Variants in ARHGEF3 observed in about 807,000 individuals in gnomAD.
The protein encoded by ARHGEF3 is 59.8 kDA protein.
A neutral mutation model predicts 63.2 loss-of-function variants in ARHGEF3; 28 were observed. The ratio of observed to expected loss-of-function variants is 0.44; its 90% CI spans 0.33 to 0.61. The LOEUF (loss-of-function observed/expected upper bound fraction) is 0.61. ARHGEF3 is among the 20% of genes least tolerant of loss of function. The probability of loss-of-function intolerance (pLI) is 0.03; values close to 1 mark genes in which losing one functional copy is unlikely to be tolerated. For missense variants in ARHGEF3, 533 were observed against 659.3 expected, an observed-to-expected ratio of 0.81 and a Z score of 2.10; for synonymous variants, 266 against 254.2, an observed-to-expected ratio of 1.05 and a Z score of -0.44.
At chr3:57,043,092 A>G (rs942653785) in intron 1 of ARHGEF3, among the ~76,000 whole-genome samples, 1 of 151,902 alleles carries the variant, frequency 6.6e-6, no homozygotes, top group Non-Finnish European at 1.5e-5. Flanking sequence ...GGAAGCTAAG[A>G]CAGGCTTCAG....
chr3:57,042,686 A>T (rs548611958), intron 1 of ARHGEF3, among the ~76,000 whole-genome samples: 182 of 7,644 alleles, frequency 0.024, 10 homozygotes, highest in East Asian at 0.17. Flanking sequence ...ATATATATAT[A>T]TATATATATA....
intron 4 of ARHGEF3, among the ~76,000 whole-genome samples, chr3:56,851,040 C>T (rs1246251718): frequency 1.3e-5 from 2 of 152,088 alleles, no homozygotes; most frequent in Admixed American, 6.5e-5. Context: ...CACCGGTTTA[C>T]CACCTTGTTT....
At chr3:57,071,232 A>G (rs78498993) in intron 1 of ARHGEF3, among the ~76,000 whole-genome samples, 3 of 152,140 alleles carry the variant, frequency 2.0e-5, no homozygotes, top group Non-Finnish European at 4.4e-5. Flanking sequence ...TTTTCAACAC[A>G]TGGTTCTGGG....
rs55899473 is a variant in ARHGEF3 at position 56,792,113 on chromosome 3, A to AAAAAAAAAAGAAAAG, written c.96+9589_96+9590insCTTTTCTTTTTTTTT. 3.1e-3 allele frequency among the ~76,000 whole-genome samples: 431 copies of AAAAAAAAAAGAAAAG among 139,978 alleles called. 1 individual carries two copies. Among genetic ancestry groups the AAAAAAAAAAGAAAAG allele is most frequent in the Middle Eastern group, 7.2e-3 (2 of 276 alleles). The allele number at this position is 139,978 out of a possible 152,430, so 91.8% of individuals were successfully genotyped here. ...AGTGAGACTCTGTCTCAAAAAAAAA[A>AAAAAAAAAAGAAAAG]AAAAGAAAAGAAAAGAAAAGAAAAG... On this transcript the variant is annotated intron_variant, in intron 1 of 9. Transcript: ENST00000296315.
intron 1 of ARHGEF3, among the ~76,000 whole-genome samples, chr3:57,077,439 C>T (rs547376642): frequency 2.6e-5 from 4 of 152,082 alleles, no homozygotes; most frequent in Non-Finnish European, 4.4e-5. Flanking sequence ...TCAAGTGCCT[C>T]GTGTAGATTT....
At chr3:57,042,696 A>ATTTTTTTTTTTT (rs1560156436) in intron 1 of ARHGEF3, among the ~76,000 whole-genome samples, 2 of 33,540 alleles carry the variant, frequency 6.0e-5, no homozygotes, top group Non-Finnish European at 1.3e-4. Context: ...ATATATATAT[A>ATTTTTTTTTTTT]TATATTTTTT....
chr3:56,816,825 A>G (rs2038290854), intron 4 of ARHGEF3, among the ~76,000 whole-genome samples: 1 of 152,214 alleles, frequency 6.6e-6, no homozygotes, highest in Non-Finnish European at 1.5e-5. Flanking sequence ...CGGAACGTTA[A>G]TTCACAGGCC....
intron 2 of ARHGEF3, among the ~76,000 whole-genome samples, chr3:57,001,240 C>T (rs1413254207): frequency 6.6e-6 from 1 of 152,206 alleles, no homozygotes; most frequent in Non-Finnish European, 1.5e-5. Context: ...GTGCCAGGTC[C>T]TTCTGCAAAT....
chr3:56,878,793 A>G (rs2040675876), intron 4 of ARHGEF3, among the ~76,000 whole-genome samples: 1 of 152,230 alleles, frequency 6.6e-6, no homozygotes, highest in Admixed American at 6.5e-5. Context: ...GATGATAACA[A>G]ATAAACATTC....
intron 1 of ARHGEF3, among the ~76,000 whole-genome samples, chr3:57,069,157 GT>G (rs1162809826): frequency 6.6e-6 from 1 of 151,972 alleles, no homozygotes; most frequent in African/African-American, 2.4e-5. Context: ...TCCTGACCTC[GT>G]GATCCACTTG....
intron 2 of ARHGEF3, among the ~76,000 whole-genome samples, chr3:56,999,039 C>T (rs1298229247): frequency 1.3e-5 from 2 of 151,342 alleles, no homozygotes; most frequent in Non-Finnish European, 2.9e-5. Context: ...TAAGAATTTT[C>T]AAGAGGTTTT....
At chr3:56,831,517 G>A (rs1355612300) in intron 4 of ARHGEF3, among the ~76,000 whole-genome samples, 2 of 152,216 alleles carry the variant, frequency 1.3e-5, no homozygotes, top group Non-Finnish European at 2.9e-5. Flanking sequence ...CTCTGCCAAT[G>A]CAATATAAAA....
intron 1 of ARHGEF3, among the ~76,000 whole-genome samples, chr3:57,040,512 C>T (rs1313769135): frequency 7.9e-6 from 1 of 127,030 alleles, no homozygotes; most frequent in East Asian, 1.9e-4. Context: ...AATACCAAAA[C>T]AGGTAAAACC....
intron 1 of ARHGEF3, among the ~76,000 whole-genome samples, chr3:57,048,269 A>G (rs1438835930): frequency 6.6e-6 from 1 of 152,192 alleles, no homozygotes; most frequent in Non-Finnish European, 1.5e-5. Context: ...ATGAGGAATG[A>G]GCATTATGGA....
chr3:56,894,290 G>A (rs2041223752), intron 3 of ARHGEF3, among the ~76,000 whole-genome samples: 1 of 152,202 alleles, frequency 6.6e-6, no homozygotes. Flanking sequence ...GTTAACCAAT[G>A]TATCTACGGC....
intron 2 of ARHGEF3, among the ~76,000 whole-genome samples, chr3:57,023,469 G>A (rs1703343787): frequency 6.6e-6 from 1 of 152,140 alleles, no homozygotes; most frequent in South Asian, 2.1e-4. Context: ...ACTCTAGCCA[G>A]AGATCTTTTC....
chr3:56,939,705 T>G (rs78151034), intron 3 of ARHGEF3: 2 of 152,132 alleles, frequency 1.3e-5, no homozygotes, highest in Non-Finnish European at 2.9e-5. Flanking sequence ...AATAACTAAA[T>G]GGACTGCTTC....
chr3:56,964,144 G>C lies in ARHGEF3; in HGVS notation c.63-5255C>G, dbSNP rs1167382431. On this transcript the variant is annotated intron_variant, in intron 2 of 12. Coordinates refer to the ARHGEF3 transcript ENST00000338458. ...AGGCAGGCAGATCACCTGAGGTCAGGAGTTTGAGACCAGTCTGGAAAATAT... is the reference window on the plus strand; with the variant it reads ...AGGCAGGCAGATCACCTGAGGTCAGCAGTTTGAGACCAGTCTGGAAAATAT... Among the ~76,000 whole-genome samples the C allele has an allele frequency of 2.0e-5, 3 of 152,068 alleles. No homozygotes were observed. The East Asian group carries it at 5.8e-4, about 29-fold the overall frequency.
At chr3:56,744,100 C>G (rs890678993) in intron 7 of ARHGEF3, among the ~76,000 whole-genome samples, 12 of 152,196 alleles carry the variant, frequency 7.9e-5, no homozygotes, top group Admixed American at 7.2e-4. Flanking sequence ...CATCCTCTGT[C>G]TTCTCTCCTG....
Sources: allele counts gnomAD v4.1 joint callset (sites outside exome capture counted in the v4.1 genomes callset), GRCh38; gene constraint gnomAD v4.1.1; transcripts MANE v1.5; gene names NCBI Gene and HGNC (gene_info 2026-07-23, HGNC 2026-07-21).